Variants in NHSL2 observed in about 807,000 individuals in gnomAD.
The protein encoded by NHSL2 is NHS-like protein 2.
NHSL2 carries 27 observed loss-of-function variants against 53.4 expected under a neutral mutation model. The observed-to-expected ratio is 0.51, with a 90% CI of 0.37 to 0.70. NHSL2 has a LOEUF of 0.70. Among genes scored for constraint, NHSL2 ranks in the 30% least tolerant of loss-of-function variants. The pLI, the probability that NHSL2 is intolerant of heterozygous loss-of-function variation, is 0.00. For missense variants in NHSL2, 892 were observed against 980.1 expected (o/e 0.91, Z 1.20); for synonymous variants, 408 against 404.1 (o/e 1.01, Z -0.12).
In NHSL2 at chrX:72,140,682, G is replaced by A. The variant is rs1156945054; in HGVS notation, c.3134G>A (p.Cys1045Tyr). The change falls in exon 6 of 8, where the codon TGT becomes TAT. Residue 1045 changes from cysteine to tyrosine, a missense_variant. Coordinates refer to ENST00000633930, the MANE Select transcript of NHSL2 (RefSeq NM_001013627.3). Reference protein sequence around the residue: ...PIITLEEDTKCPATGDDLQSL... With the variant: ...PIITLEEDTKYPATGDDLQSL... Reference sequence around the variant, plus strand: ...ATCACCCTGGAGGAAGACACCAAGTGTCCCGCCACCGGCGATGACCTGCAA... The same window carrying A: ...ATCACCCTGGAGGAAGACACCAAGTATCCCGCCACCGGCGATGACCTGCAA... 3 of 1,210,723 alleles carry A rather than the reference G, an allele frequency of 2.5e-6. No homozygotes were observed. The highest frequency in any genetic ancestry group is 3.4e-6 in the Non-Finnish European group (3 of 894,545).
At chrX:72,054,369 C>A (rs1024790370) in intron 1 of NHSL2, among the ~76,000 whole-genome samples, 1 of 111,661 alleles carries the variant, frequency 9.0e-6, no homozygotes, top group Non-Finnish European at 1.9e-5. Context: ...TTCCCTGGGC[C>A]ACTTTAGCTG....
chrX:72,070,456 C>G (rs370781891), intron 1 of NHSL2, among the ~76,000 whole-genome samples: 4 of 111,496 alleles, frequency 3.6e-5, no homozygotes, highest in East Asian at 5.6e-4. Context: ...CCAACAACTC[C>G]TTCCTGGATG....
At chrX:71,983,185 C>T (rs1050960693) in intron 1 of NHSL2, among the ~76,000 whole-genome samples, 2 of 111,355 alleles carry the variant, frequency 1.8e-5, no homozygotes, top group Non-Finnish European at 3.8e-5. Context: ...GTTTGTTTTT[C>T]CACTATCACC....
chrX:72,074,137 C>T (rs1252467509), intron 1 of NHSL2, among the ~76,000 whole-genome samples: 1 of 110,064 alleles, frequency 9.1e-6, no homozygotes, highest in African/African-American at 3.3e-5. Context: ...CCTCTCCCCG[C>T]AAGCAACCGA....
intron 7 of NHSL2, 45 bp from the exon 8 acceptor site, chrX:72,143,208 T>G: frequency 1.0e-6 from 1 of 953,682 alleles, no homozygotes; most frequent in Non-Finnish European, 1.4e-6. Context: ...CACTGGTAAA[T>G]GTCTGCTGCA....
chrX:72,102,094 C>T (rs1414064186), intron 1 of NHSL2, among the ~76,000 whole-genome samples: 1 of 112,654 alleles, frequency 8.9e-6, no homozygotes, highest in Non-Finnish European at 1.9e-5. Context: ...GGGAGCTACC[C>T]AGTAGCATTC....
intron 1 of NHSL2, among the ~76,000 whole-genome samples, chrX:72,111,616 CA>C (rs1354635538): frequency 8.9e-6 from 1 of 111,819 alleles, no homozygotes; most frequent in East Asian, 2.8e-4. Flanking sequence ...GAATTGCAGC[CA>C]TAGCAGCAGC....
intron 1 of NHSL2, chrX:72,129,812 G>A: frequency 1.0e-5 from 12 of 1,174,156 alleles, no homozygotes; most frequent in Non-Finnish European, 1.4e-5. Context: ...TGTTCTGGGT[G>A]GCCATCTGGC....
chrX:72,020,956 A>G (rs1292104401), intron 1 of NHSL2, among the ~76,000 whole-genome samples: 2 of 112,593 alleles, frequency 1.8e-5, no homozygotes, highest in Non-Finnish European at 3.8e-5. Context: ...CACTTTGAGT[A>G]GCAAAGATCT....
chrX:71,969,079 C>T (rs764980943), intron 1 of NHSL2, among the ~76,000 whole-genome samples: 16 of 111,482 alleles, frequency 1.4e-4, no homozygotes, highest in Non-Finnish European at 2.6e-4. Flanking sequence ...CTGGGATTTT[C>T]ACAGGGATTG....
chrX:71,943,388 C>T (rs1229392789), intron 1 of NHSL2, among the ~76,000 whole-genome samples: 1 of 112,648 alleles, frequency 8.9e-6, no homozygotes, highest in Non-Finnish European at 1.9e-5. Context: ...ATTGGTTTTC[C>T]ACTGAGTATC....
At chrX:71,985,047 T>A (rs1050858669) in intron 1 of NHSL2, among the ~76,000 whole-genome samples, 2 of 111,077 alleles carry the variant, frequency 1.8e-5, no homozygotes, top group Non-Finnish European at 3.8e-5. Flanking sequence ...ATGGTGTCGA[T>A]CTCCTGACCT....
chrX:72,082,838 A>T (rs757171164), intron 1 of NHSL2, among the ~76,000 whole-genome samples: 1 of 112,370 alleles, frequency 8.9e-6, no homozygotes, highest in South Asian at 3.7e-4. Context: ...CAGCAGTTTG[A>T]TATCTCTGAT....
At chrX:72,048,070 G>GATGATGATA (rs754551330) in intron 1 of NHSL2, among the ~76,000 whole-genome samples, 1 of 101,793 alleles carries the variant, frequency 9.8e-6, no homozygotes, top group African/African-American at 3.7e-5. Flanking sequence ...CACTCATGAT[G>GATGATGATA]ATAACAATAA....
chrX:72,057,279 C>G (rs1232768400), intron 1 of NHSL2, among the ~76,000 whole-genome samples: 1 of 112,257 alleles, frequency 8.9e-6, no homozygotes. Flanking sequence ...TTTTTCCTTT[C>G]ATCTCTAATC....
intron 1 of NHSL2, among the ~76,000 whole-genome samples, chrX:72,063,993 G>A (rs1479962828): frequency 9.0e-6 from 1 of 110,848 alleles, no homozygotes; most frequent in Non-Finnish European, 1.9e-5. Context: ...CATTTGGGCT[G>A]GGTCTTGAGA....
intron 1 of NHSL2, among the ~76,000 whole-genome samples, chrX:71,950,084 A>G (rs2041813241): frequency 8.8e-6 from 1 of 113,121 alleles, no homozygotes; most frequent in East Asian, 2.8e-4. Context: ...GTGGGTCTGG[A>G]TTATCCATTT....
chrX:71,934,861 C>T lies in NHSL2; in HGVS notation c.280+23494C>T, dbSNP rs750412758. Among the ~76,000 whole-genome samples, 18 of 112,138 alleles carry T rather than the reference C, an allele frequency of 1.6e-4. No homozygotes were observed. The East Asian group carries it at 2.8e-3, about 17-fold the overall frequency. On this transcript the variant is annotated intron_variant, in intron 1 of 7. Coordinates refer to ENST00000633930, the MANE Select transcript of NHSL2 (RefSeq NM_001013627.3). ...TTGGCTTGAACATCTGGTTAGATGG[C>T]GTCCATTCTTAACTAGCATCAAAAC... is the stretch of plus-strand genomic sequence containing the variant.
chrX:72,123,795 C>T (rs925764682), intron 1 of NHSL2, among the ~76,000 whole-genome samples: 12 of 111,103 alleles, frequency 1.1e-4, no homozygotes, highest in Non-Finnish European at 3.8e-5. Context: ...GAATAAAAAG[C>T]CTGGGCCCTA....
Sources: allele counts gnomAD v4.1 joint callset (sites outside exome capture counted in the v4.1 genomes callset), GRCh38; gene constraint gnomAD v4.1.1; transcripts MANE v1.5; gene names NCBI Gene and HGNC (gene_info 2026-07-23, HGNC 2026-07-21).